ESRRB: variants seen among roughly 807,000 people sequenced by gnomAD.
The protein encoded by ESRRB is steroid hormone receptor ERR2.
ESRRB carries 16 observed loss-of-function variants against 46.0 expected under a neutral mutation model. The observed-to-expected ratio is 0.35, with a 90% CI of 0.24 to 0.53. The LOEUF is 0.53. Among genes scored for constraint, ESRRB ranks in the 20% least tolerant of loss-of-function variants. The pLI, the probability that ESRRB is intolerant of heterozygous loss-of-function variation, is 0.93. For synonymous variants in ESRRB, 246 were observed against 259.6 expected (o/e 0.95, Z 0.50); for missense variants, 488 against 607.4 (o/e 0.80, Z 2.07).
chr14:76,421,344 T>G (rs941181611), intron 1 of ESRRB, among the ~76,000 whole-genome samples: 1 of 152,162 alleles, frequency 6.6e-6, no homozygotes, highest in Non-Finnish European at 1.5e-5. Context: ...CCTGACAATG[T>G]CTGGTGCCTC....
At chr14:76,426,119 G>A (rs1457304958) in intron 1 of ESRRB, among the ~76,000 whole-genome samples, 2 of 152,218 alleles carry the variant, frequency 1.3e-5, no homozygotes, top group Non-Finnish European at 2.9e-5. Context: ...TTTGGTGAGG[G>A]CGTTTGGCAG....
chr14:76,456,435 G>C (rs2139975649), intron 2 of ESRRB, among the ~76,000 whole-genome samples: 1 of 152,304 alleles, frequency 6.6e-6, no homozygotes, highest in Non-Finnish European at 1.5e-5. Flanking sequence ...AAGGGAAATG[G>C]AGACAGGCTA....
At chr14:76,432,671 C>CTTTTTTTTTT (rs529243634) in intron 1 of ESRRB, among the ~76,000 whole-genome samples, 1 of 111,474 alleles carries the variant, frequency 9.0e-6, no homozygotes, top group African/African-American at 4.3e-5. Context: ...TTCTCTCTCT[C>CTTTTTTTTTT]TTTTTTTTTT....
intron 1 of ESRRB, among the ~76,000 whole-genome samples, chr14:76,319,323 G>A (rs1355692283): frequency 6.6e-6 from 1 of 152,224 alleles, no homozygotes; most frequent in Admixed American, 6.5e-5. Context: ...ATAAGCATGG[G>A]CAATTTCTCA....
At chr14:76,330,618 G>GGAGGATC (rs1247149825) in intron 1 of ESRRB, among the ~76,000 whole-genome samples, 1 of 152,324 alleles carries the variant, frequency 6.6e-6, no homozygotes, top group African/African-American at 2.4e-5. Context: ...ATCGAGGAAG[G>GGAGGATC]GAGGATCGAG....
At chr14:76,411,422 T>C (rs1473111674) in intron 1 of ESRRB, among the ~76,000 whole-genome samples, 1 of 151,832 alleles carries the variant, frequency 6.6e-6, no homozygotes. Context: ...AACTCCAGCC[T>C]GGACAACAAA....
intron 1 of ESRRB, among the ~76,000 whole-genome samples, chr14:76,362,887 G>C (rs1884480423): frequency 6.6e-6 from 1 of 152,118 alleles, no homozygotes; most frequent in South Asian, 2.1e-4. Flanking sequence ...TGACTACTCA[G>C]GGCTCTTTTT....
chr14:76,446,639 C>A (rs1212280073), intron 2 of ESRRB, among the ~76,000 whole-genome samples: 5 of 152,130 alleles, frequency 3.3e-5, no homozygotes, highest in African/African-American at 1.2e-4. Flanking sequence ...GGAGTCTTAG[C>A]CTAGGGACAG....
intron 1 of ESRRB, among the ~76,000 whole-genome samples, chr14:76,399,103 G>C (rs970592287): frequency 1.3e-5 from 2 of 152,074 alleles, no homozygotes; most frequent in Admixed American, 6.5e-5. Context: ...TTTGCAGATG[G>C]GTCCAAACAG....
chr14:76,336,587 T>C (rs935352151), intron 1 of ESRRB, among the ~76,000 whole-genome samples: 1 of 152,136 alleles, frequency 6.6e-6, no homozygotes, highest in Non-Finnish European at 1.5e-5. Context: ...TCCTTCCTTC[T>C]ATTGTCTTTC....
In ESRRB at chr14:76,376,496, G is replaced by T. The variant is rs993979480; in HGVS notation, c.50+45G>T. 8.3e-7 allele frequency: 1 copy of T among 1,211,782 alleles called. No individual in the cohort carries two copies. The allele number at this position is 1,211,782 out of a possible 1,614,324, so 75.1% of individuals were successfully genotyped here. A position where few individuals can be genotyped will look rare whatever the true frequency, so the allele number is the denominator to read the frequency against. ...GTCTGTCTGTCCTTCTGCCCGTCTG[G>T]CAGTCTCTGTCCTGGGGATCGCAGT... On this transcript the variant is annotated intron_variant, in intron 1 of 6. Transcript: ENST00000644823. The surrounding 1 kb of genome is among the most constrained non-coding windows in gnomAD (Gnocchi z 4.1).
At chr14:76,310,825 C>T (rs1017049689) in exon 1 of ESRRB, 6 of 453,970 alleles carry the variant, frequency 1.3e-5, no homozygotes, top group Admixed American at 9.5e-5. Context: ...ACCGGAGGAG[C>T]GGAGCAACGA....
At position 76,498,424 on chromosome 14, in the gene ESRRB, A is replaced by G. The variant is rs757480743; in HGVS notation, c.1331A>G (p.Lys444Arg). 3.1e-6 allele frequency: 5 copies of G among 1,613,384 alleles called. No individual in the cohort carries two copies. The African/African-American group carries it at 5.3e-5, about 17-fold the overall frequency. The change falls in exon 7 of 7, where the codon AAA becomes AGA. Residue 444 changes from lysine to arginine, a missense_variant. Transcript: ENST00000644823. ...CTGCAGGGCAAAGTGCCCATGCACAAACTCTTCCTGGAGATGCTGGAGGCC... is the reference window on the plus strand; with the variant it reads ...CTGCAGGGCAAAGTGCCCATGCACAGACTCTTCCTGGAGATGCTGGAGGCC... ...VKLQGKVPMH[K>R]LFLEMLEAKV is the part of the protein sequence containing the mutation.
At chr14:76,409,741 A>T (rs1159975303) in intron 1 of ESRRB, among the ~76,000 whole-genome samples, 1 of 152,040 alleles carries the variant, frequency 6.6e-6, no homozygotes, top group Non-Finnish European at 1.5e-5. Flanking sequence ...TACATTAGCC[A>T]AACAAGCTGA....
intron 1 of ESRRB, among the ~76,000 whole-genome samples, chr14:76,415,383 C>T (rs931125516): frequency 3.9e-5 from 6 of 152,076 alleles, no homozygotes; most frequent in African/African-American, 4.8e-5. Context: ...ATAGGATGGC[C>T]GGGCACAGTG....
Position 76,438,124 on chromosome 14 carries a change from G to A in ESRRB, c.51-1217G>A, listed in dbSNP as rs117932573. Among the ~76,000 whole-genome samples the A allele has an allele frequency of 5.5e-3, 834 of 152,242 alleles. 4 individuals carry two copies. Among genetic ancestry groups the A allele is most frequent in the Middle Eastern group, 0.01 (3 of 292 alleles). On this transcript the variant is annotated intron_variant, in intron 1 of 6. Transcript: ENST00000644823. The stretch of plus-strand genomic sequence containing the variant: ...CTACTCGGGGTCTAGGAAGGGAAAT[G>A]AGAGAGGGAGGGTTTGGGAGCCACC...
At chr14:76,429,287 A>G (rs1293872072) in intron 1 of ESRRB, among the ~76,000 whole-genome samples, 1 of 152,120 alleles carries the variant, frequency 6.6e-6, no homozygotes, top group East Asian at 1.9e-4. Context: ...TATTATCTGA[A>G]AGTCACCAGG....
chr14:76,323,179 G>A (rs58341070), intron 1 of ESRRB, among the ~76,000 whole-genome samples: 2 of 151,920 alleles, frequency 1.3e-5, no homozygotes, highest in African/African-American at 2.4e-5. Context: ...TCAGATCACC[G>A]AAGTTAGATG....
intron 1 of ESRRB, among the ~76,000 whole-genome samples, chr14:76,417,944 CTTTTTTTT>C (rs869242837): frequency 4.7e-4 from 43 of 91,340 alleles, no homozygotes; most frequent in Non-Finnish European, 7.9e-4. Context: ...CTTTTACATA[CTTTTTTTT>C]TTTTTTTTTT....
Sources: gnomAD v4.1 joint callset for allele counts (sites outside exome capture counted in the v4.1 genomes callset) on GRCh38, gnomAD v4.1.1 for gene constraint, Gnocchi (gnomAD v3.1) non-coding constraint, MANE v1.5 for transcripts, NCBI Gene and HGNC (gene_info 2026-07-23, HGNC 2026-07-21) for gene names.